LDLRAD3: variants seen among roughly 807,000 people sequenced by gnomAD.
The protein encoded by LDLRAD3 is low-density lipoprotein receptor class A domain-containing protein 3.
In LDLRAD3, 20 loss-of-function variants were observed where a neutral mutation model predicts 29.4. That is an observed-to-expected ratio of 0.68 (90% CI 0.48 to 0.99). LDLRAD3 has a LOEUF of 0.99. Among genes scored for constraint, LDLRAD3 ranks in the 50% least tolerant of loss-of-function variants. The pLI is 0.00. For missense variants in LDLRAD3, 420 were observed against 454.3 expected, an observed-to-expected ratio of 0.92 and a Z score of 0.69; for synonymous variants, 157 against 192.7, an observed-to-expected ratio of 0.81 and a Z score of 1.53.
At chr11:36,053,646 T>G (rs1028167639) in intron 2 of LDLRAD3, among the ~76,000 whole-genome samples, 2 of 152,240 alleles carry the variant, frequency 1.3e-5, no homozygotes, top group African/African-American at 4.8e-5. Flanking sequence ...CAGAAGTGAC[T>G]GGTGCACATC....
At chr11:36,193,260 A>T (rs936623669) in intron 4 of LDLRAD3, among the ~76,000 whole-genome samples, 4 of 152,152 alleles carry the variant, frequency 2.6e-5, no homozygotes, top group Non-Finnish European at 5.9e-5. Flanking sequence ...CAATTCATGA[A>T]GGTGATTATT....
intron 1 of LDLRAD3, among the ~76,000 whole-genome samples, chr11:35,992,996 T>G: frequency 6.6e-6 from 1 of 152,206 alleles, no homozygotes. Context: ...TCTTTAAAAG[T>G]GTCTGGACAT....
At chr11:35,970,597 A>G (rs542854163) in intron 1 of LDLRAD3, among the ~76,000 whole-genome samples, 6 of 152,360 alleles carry the variant, frequency 3.9e-5, no homozygotes, top group African/African-American at 1.4e-4. Context: ...GAATTAGTAT[A>G]GTTAGAACTA....
At chr11:35,988,619 T>C (rs1454509590) in intron 1 of LDLRAD3, among the ~76,000 whole-genome samples, 1 of 151,870 alleles carries the variant, frequency 6.6e-6, no homozygotes, top group Non-Finnish European at 1.5e-5. Flanking sequence ...AGTCTTGCTC[T>C]ATCACCCAGG....
At chr11:36,089,235 T>G (rs1458712131) in intron 3 of LDLRAD3, among the ~76,000 whole-genome samples, 1 of 152,156 alleles carries the variant, frequency 6.6e-6, no homozygotes, top group Admixed American at 6.5e-5. Context: ...TCTACATGCT[T>G]TACGTGGATG....
At chr11:36,073,480 G>C (rs949087935) in intron 2 of LDLRAD3, among the ~76,000 whole-genome samples, 8 of 152,356 alleles carry the variant, frequency 5.3e-5, no homozygotes, top group African/African-American at 1.4e-4. Context: ...GTGGAAATAG[G>C]GGGTGAGAGA....
At chr11:36,157,580 C>G (rs1001978383) in intron 4 of LDLRAD3, among the ~76,000 whole-genome samples, 2 of 152,206 alleles carry the variant, frequency 1.3e-5, no homozygotes, top group Non-Finnish European at 2.9e-5. Context: ...ATGAGTTAAA[C>G]TCCACTCTGT....
intron 4 of LDLRAD3, among the ~76,000 whole-genome samples, chr11:36,158,803 A>T (rs1281530311): frequency 2.0e-5 from 3 of 152,000 alleles, no homozygotes; most frequent in Non-Finnish European, 2.9e-5. Context: ...ATTTTTTTTA[A>T]TTGATACGTA....
At chr11:36,114,173 A>AACTTTTAGAAG (rs1470781739) in intron 4 of LDLRAD3, among the ~76,000 whole-genome samples, 1 of 152,154 alleles carries the variant, frequency 6.6e-6, no homozygotes. Context: ...TCAACACCGG[A>AACTTTTAGAAG]ACTTTTAGAA....
chr11:36,138,304 G>A (rs2133312331), intron 4 of LDLRAD3, among the ~76,000 whole-genome samples: 1 of 152,374 alleles, frequency 6.6e-6, no homozygotes, highest in East Asian at 1.9e-4. Flanking sequence ...GATTAAATGA[G>A]ATAATGTGTG....
chr11:36,075,843 C>G (rs1442285933), intron 2 of LDLRAD3, among the ~76,000 whole-genome samples: 1 of 152,020 alleles, frequency 6.6e-6, no homozygotes, highest in Non-Finnish European at 1.5e-5. Context: ...TAATCTGATA[C>G]CGTTGTTGAT....
At chr11:36,103,706 T>C (rs1404336987) in intron 4 of LDLRAD3, among the ~76,000 whole-genome samples, 1 of 152,164 alleles carries the variant, frequency 6.6e-6, no homozygotes, top group Non-Finnish European at 1.5e-5. Context: ...CTGAAGCAGA[T>C]TTTTGTTTGC....
At chr11:36,060,353 C>CAAAAAA in intron 2 of LDLRAD3, among the ~76,000 whole-genome samples, 1 of 73,552 alleles carries the variant, frequency 1.4e-5, no homozygotes, top group Non-Finnish European at 2.8e-5. Flanking sequence ...GACTCTGTCT[C>CAAAAAA]AAAAAAAAAA....
intron 1 of LDLRAD3, among the ~76,000 whole-genome samples, chr11:35,977,746 T>G (rs1315312017): frequency 1.3e-5 from 2 of 152,100 alleles, no homozygotes; most frequent in Admixed American, 6.6e-5. Context: ...GCAGATTCCG[T>G]GTCTGGTGAG....
At chr11:36,012,555 C>T (rs1851969531) in intron 1 of LDLRAD3, among the ~76,000 whole-genome samples, 7 of 152,146 alleles carry the variant, frequency 4.6e-5, no homozygotes, top group Admixed American at 4.6e-4. Flanking sequence ...CATTGCAAGA[C>T]AGAGGCAGTT....
intron 4 of LDLRAD3, among the ~76,000 whole-genome samples, chr11:36,143,203 G>C (rs904555): frequency 0.82 from 124,621 of 152,158 alleles, 51,422 homozygotes; most frequent in East Asian, 0.95. Flanking sequence ...ACCCAATTCT[G>C]TCTGTGAGCC....
Position 36,212,483 on chromosome 11 carries a change from G to T in LDLRAD3, c.455-14602G>T, listed in dbSNP as rs548224577. ...ATTACCCTCTCACTGAGTTTTAGTG[G>T]CAATCTGAATTCCTACTTAAAAAAT... On this transcript the variant is annotated intron_variant, in intron 4 of 5. Coordinates refer to ENST00000315571, the MANE Select transcript of LDLRAD3 (RefSeq NM_174902.4). Among the ~76,000 whole-genome samples the T allele has an allele frequency of 2.0e-5, 3 of 151,516 alleles. No individual in the cohort carries two copies. In the East Asian group the frequency reaches 5.8e-4, roughly 29 times the overall value.
rs566045195 is a variant in LDLRAD3, at chr11:36,111,104, C to T, written c.454+12643C>T. The stretch of plus-strand genomic sequence containing the variant: ...CTGGGGGCCCCCTCCCTGCAGGATC[C>T]AATGAGAAGGTGGAGACAGAGGAAG... On this transcript the variant is annotated intron_variant, in intron 4 of 5. Coordinates refer to ENST00000315571, the MANE Select transcript of LDLRAD3 (RefSeq NM_174902.4). Among the ~76,000 whole-genome samples the T allele has an allele frequency of 7.1e-4, 108 of 152,130 alleles. 1 individual carries two copies. The highest frequency in any genetic ancestry group is 3.2e-4 in the Non-Finnish European group (22 of 68,022).
chr11:35,971,524 C>G (rs1203484376), intron 1 of LDLRAD3, among the ~76,000 whole-genome samples: 2 of 152,128 alleles, frequency 1.3e-5, no homozygotes, highest in African/African-American at 2.4e-5. Context: ...TGCACATACA[C>G]AGAGGAAGGA....
Sources: allele counts gnomAD v4.1 joint callset (sites outside exome capture counted in the v4.1 genomes callset), GRCh38; gene constraint gnomAD v4.1.1; transcripts MANE v1.5; gene names NCBI Gene and HGNC (gene_info 2026-07-23, HGNC 2026-07-21).